Variants in LINGO2 observed in about 807,000 individuals in gnomAD.
LINGO2 encodes the protein leucine-rich repeat and immunoglobulin-like domain-containing nogo receptor-interacting protein 2.
A neutral mutation model predicts 30.6 loss-of-function variants in LINGO2; 14 were observed. The observed-to-expected ratio is 0.46, with a 90% CI of 0.30 to 0.72. The LOEUF (loss-of-function observed/expected upper bound fraction) is 0.72. Among genes scored for constraint, LINGO2 ranks in the 30% least tolerant of loss-of-function variants. LINGO2 has a pLI of 0.07. For missense variants in LINGO2, 729 were observed against 751.7 expected (o/e 0.97, Z 0.35); for synonymous variants, 317 against 288.5 (o/e 1.10, Z -1.00).
chr9:28,617,249 T>G (rs1365863555), intron 1 of LINGO2, among the ~76,000 whole-genome samples: 1 of 152,062 alleles, frequency 6.6e-6, no homozygotes, highest in Non-Finnish European at 1.5e-5. Context: ...TCTTTCTACT[T>G]TTCTCCTCTT....
At chr9:28,272,339 T>C (rs1314973192) in intron 4 of LINGO2, among the ~76,000 whole-genome samples, 1 of 151,916 alleles carries the variant, frequency 6.6e-6, no homozygotes, top group Non-Finnish European at 1.5e-5. Context: ...GAACTCTAGC[T>C]GAACCTTTGT....
At chr9:28,253,327 C>T (rs986513182) in intron 4 of LINGO2, among the ~76,000 whole-genome samples, 3 of 152,088 alleles carry the variant, frequency 2.0e-5, no homozygotes, top group African/African-American at 7.2e-5. Context: ...GGGCAGTGTA[C>T]TAAACACAAT....
intron 4 of LINGO2, among the ~76,000 whole-genome samples, chr9:28,229,814 C>A (rs1821296361): frequency 6.6e-6 from 1 of 151,754 alleles, no homozygotes; most frequent in Non-Finnish European, 1.5e-5. Context: ...GAACTTTGTT[C>A]CCTCCTAATA....
At chr9:28,162,479 G>A (rs1362230759) in intron 4 of LINGO2, among the ~76,000 whole-genome samples, 3 of 152,112 alleles carry the variant, frequency 2.0e-5, no homozygotes, top group Non-Finnish European at 4.4e-5. Flanking sequence ...GCAGAGATGT[G>A]ATGTAATATG....
At chr9:29,081,383 C>G in the LINGO2 span, among the ~76,000 whole-genome samples, 4 of 152,130 alleles carry the variant, frequency 2.6e-5, no homozygotes, top group South Asian at 2.1e-4. Flanking sequence ...ATTCAACAGC[C>G]CTTCATGCTA....
the LINGO2 span, among the ~76,000 whole-genome samples, chr9:29,170,924 CAT>C: frequency 3.3e-5 from 5 of 152,136 alleles, no homozygotes; most frequent in African/African-American, 9.6e-5. Flanking sequence ...AACTTTTTCA[CAT>C]GTTTTAGTTG....
the LINGO2 span, among the ~76,000 whole-genome samples, chr9:28,886,209 G>C: frequency 6.6e-6 from 1 of 152,016 alleles, no homozygotes; most frequent in Admixed American, 6.6e-5. Context: ...CAGTGAGAAG[G>C]GGAAGAAAAT....
At chr9:28,450,199 C>T (rs1054800271) in intron 2 of LINGO2, among the ~76,000 whole-genome samples, 3 of 151,904 alleles carry the variant, frequency 2.0e-5, no homozygotes, top group Admixed American at 2.0e-4. Flanking sequence ...CTGTGGACCC[C>T]CTGTAACAGA....
chr9:28,905,774 G>T, the LINGO2 span, among the ~76,000 whole-genome samples: 2 of 151,948 alleles, frequency 1.3e-5, no homozygotes, highest in Non-Finnish European at 2.9e-5. Flanking sequence ...GTCAAAAAGA[G>T]AACTGTCATA....
At chr9:28,697,366 A>G in the LINGO2 span, among the ~76,000 whole-genome samples, 2 of 152,046 alleles carry the variant, frequency 1.3e-5, no homozygotes, top group African/African-American at 4.8e-5. Flanking sequence ...AGTGAATATA[A>G]CTTCTGAAAA....
intron 3 of LINGO2, among the ~76,000 whole-genome samples, chr9:28,360,887 G>A (rs1041949126): frequency 5.9e-5 from 9 of 152,084 alleles, no homozygotes; most frequent in African/African-American, 2.2e-4. Flanking sequence ...AACTCAGGAG[G>A]AGACACAAAA....
At chr9:28,360,305 C>G (rs1820390165) in intron 3 of LINGO2, among the ~76,000 whole-genome samples, 1 of 152,122 alleles carries the variant, frequency 6.6e-6, no homozygotes, top group South Asian at 2.1e-4. Flanking sequence ...TATCATAGTC[C>G]TAAACTTTGC....
intron 1 of LINGO2, among the ~76,000 whole-genome samples, chr9:28,495,936 C>T (rs1392843669): frequency 6.6e-6 from 1 of 152,132 alleles, no homozygotes; most frequent in Non-Finnish European, 1.5e-5. Context: ...CATTCAGGAG[C>T]AGGTTGTTCA....
intron 4 of LINGO2, among the ~76,000 whole-genome samples, chr9:28,154,324 CA>C (rs1330975115): frequency 6.6e-6 from 1 of 152,112 alleles, no homozygotes; most frequent in African/African-American, 2.4e-5. Context: ...TTTTCCTACT[CA>C]AAATAAAGTT....
the LINGO2 span, among the ~76,000 whole-genome samples, chr9:28,814,145 A>G: frequency 2.5e-4 from 38 of 152,334 alleles, no homozygotes; most frequent in Non-Finnish European, 5.3e-4. Context: ...AAGTCTTAAA[A>G]ATAGAACTGC....
the LINGO2 span, among the ~76,000 whole-genome samples, chr9:29,066,625 A>G: frequency 6.6e-6 from 1 of 151,964 alleles, no homozygotes; most frequent in Admixed American, 6.6e-5. Context: ...GTAACAAACC[A>G]AATGAATTTA....
At chr9:28,608,644 A>G (rs1391042508) in intron 1 of LINGO2, among the ~76,000 whole-genome samples, 2 of 151,898 alleles carry the variant, frequency 1.3e-5, no homozygotes, top group South Asian at 2.1e-4. Flanking sequence ...TAAAAGATCT[A>G]GTATTATTGT....
chr9:28,497,040 C>A (rs1183717586), intron 1 of LINGO2, among the ~76,000 whole-genome samples: 2 of 152,204 alleles, frequency 1.3e-5, no homozygotes, highest in Non-Finnish European at 2.9e-5. Context: ...AGCTAGTCTG[C>A]TGGACTTCCC....
the LINGO2 span, among the ~76,000 whole-genome samples, chr9:29,165,185 A>T: frequency 6.6e-6 from 1 of 152,140 alleles, no homozygotes; most frequent in African/African-American, 2.4e-5. Flanking sequence ...TATATTTGGC[A>T]TCTGTATCAA....
Sources: allele counts gnomAD v4.1 joint callset (sites outside exome capture counted in the v4.1 genomes callset), GRCh38; gene constraint gnomAD v4.1.1; transcripts MANE v1.5; gene names NCBI Gene and HGNC (gene_info 2026-07-23, HGNC 2026-07-21).